ZBBX: variants seen among roughly 807,000 people sequenced by gnomAD.
ZBBX encodes the protein zinc finger B-box domain containing, also known as zinc finger B-box domain-containing protein 1.
A neutral mutation model predicts 108.5 loss-of-function variants in ZBBX; 101 were observed. The ratio of observed to expected loss-of-function variants is 0.93; its 90% CI spans 0.79 to 1.10. ZBBX has a LOEUF of 1.10. Ranked by LOEUF, ZBBX falls within the 50% of genes least tolerant of loss-of-function variation. ZBBX has a pLI of 0.00. For missense variants in ZBBX, 1,009 were observed against 941.4 expected (o/e 1.07, Z -0.94); for synonymous variants, 356 against 323.4 (o/e 1.10, Z -1.08).
At chr3:167,330,964 T>TCTCTCTCTCTCTCTCTCTCTCTCC (rs1310209358) in intron 10 of ZBBX, among the ~76,000 whole-genome samples, 4 of 145,942 alleles carry the variant, frequency 2.7e-5, no homozygotes, top group African/African-American at 1.0e-4. Context: ...TCTCTCTCTC[T>TCTCTCTCTCTCTCTCTCTCTCTCC]CCCCCACTCC....
chr3:167,196,967 A>C, the ZBBX span, among the ~76,000 whole-genome samples: 55 of 152,308 alleles, frequency 3.6e-4, no homozygotes, highest in East Asian at 8.5e-3. Flanking sequence ...GATTTCTACC[A>C]TAATTTCTTT....
At chr3:167,337,159 C>T (rs79080875) in intron 9 of ZBBX, among the ~76,000 whole-genome samples, 7,869 of 152,020 alleles carry the variant, frequency 0.052, 550 homozygotes, top group African/African-American at 0.16. Context: ...GATTAAAATT[C>T]GAAGTTCATT....
chr3:167,294,849 AAAAC>A (rs1173557679), intron 18 of ZBBX, among the ~76,000 whole-genome samples: 6 of 152,158 alleles, frequency 3.9e-5, no homozygotes, highest in African/African-American at 1.2e-4. Flanking sequence ...TTACAAGAAA[AAAAC>A]AAACAACCCC....
chr3:167,231,474 T>A, the ZBBX span, among the ~76,000 whole-genome samples: 1 of 151,682 alleles, frequency 6.6e-6, no homozygotes, highest in East Asian at 1.9e-4. Flanking sequence ...AATATGAAGG[T>A]AATTGTTGAC....
At chr3:167,214,620 T>A in the ZBBX span, among the ~76,000 whole-genome samples, 21 of 152,148 alleles carry the variant, frequency 1.4e-4, no homozygotes, top group African/African-American at 5.1e-4. Flanking sequence ...GGACCTGAAC[T>A]CAACATTAGA....
At chr3:167,358,780 C>A (rs1397850374) in intron 8 of ZBBX, among the ~76,000 whole-genome samples, 1 of 151,278 alleles carries the variant, frequency 6.6e-6, no homozygotes, top group African/African-American at 2.4e-5. Flanking sequence ...ACTAAAAATA[C>A]AAAAAATTAG....
intron 20 of ZBBX, among the ~76,000 whole-genome samples, chr3:167,249,269 C>G (rs937028664): frequency 5.3e-5 from 8 of 152,132 alleles, no homozygotes; most frequent in Non-Finnish European, 8.8e-5. Flanking sequence ...GGCCTGAGGC[C>G]CCATAAGTGT....
chr3:167,306,352 G>A (rs1400518420), intron 16 of ZBBX, among the ~76,000 whole-genome samples: 1 of 152,080 alleles, frequency 6.6e-6, no homozygotes, highest in African/African-American at 2.4e-5. Context: ...TCCCTAGCAT[G>A]CCTAGCAATA....
At chr3:167,333,778 C>T in intron 10 of ZBBX, 49 bp downstream of exon 10, 2 of 1,441,554 alleles carry the variant, frequency 1.4e-6, no homozygotes, top group Non-Finnish European at 9.2e-7. Context: ...ATGGCACCTG[C>T]CATAGTTACA....
At chr3:167,270,171 A>G (rs1205478943) in intron 20 of ZBBX, among the ~76,000 whole-genome samples, 1 of 152,196 alleles carries the variant, frequency 6.6e-6, no homozygotes, top group Non-Finnish European at 1.5e-5. Flanking sequence ...AGTCTCAAAG[A>G]AAAAGCTTCA....
chr3:167,305,546 T>C (rs1733480360), intron 17 of ZBBX, 97 bp downstream of exon 17: 1 of 974,512 alleles, frequency 1.0e-6, no homozygotes, highest in African/African-American at 1.7e-5. Context: ...ATTTTAACTT[T>C]AATAGGAAGT....
chr3:167,388,687 G>T (rs1024775212), intron 1 of ZBBX, among the ~76,000 whole-genome samples: 3 of 151,954 alleles, frequency 2.0e-5, no homozygotes, highest in Admixed American at 6.6e-5. Flanking sequence ...GAGGGTAAAA[G>T]GTACCTAGGC....
exon 1 of ZBBX, among the ~76,000 whole-genome samples, chr3:167,407,735 G>A (rs1460191163): frequency 6.6e-6 from 1 of 152,030 alleles, no homozygotes. Flanking sequence ...CCTTGAGTAG[G>A]CTGAGGAGGA....
chr3:167,310,524 T>C (rs1576962018), intron 16 of ZBBX, among the ~76,000 whole-genome samples: 1 of 151,902 alleles, frequency 6.6e-6, no homozygotes, highest in Non-Finnish European at 1.5e-5. Flanking sequence ...GGCTGGGAGG[T>C]CTCAGGAGTC....
chr3:167,259,230 G>A (rs1724042483), intron 20 of ZBBX, among the ~76,000 whole-genome samples: 4 of 152,192 alleles, frequency 2.6e-5, no homozygotes, highest in Middle Eastern at 3.4e-3. Context: ...ATTTATCCAT[G>A]TATTCTAGGT....
intron 1 of ZBBX, among the ~76,000 whole-genome samples, chr3:167,400,979 C>G (rs942644855): frequency 1.3e-5 from 2 of 152,124 alleles, no homozygotes; most frequent in East Asian, 3.9e-4. Flanking sequence ...CCCAGCTTGA[C>G]TTTTCCCTTT....
chr3:167,364,338 T>G (rs1313776761), intron 6 of ZBBX, among the ~76,000 whole-genome samples: 1 of 152,082 alleles, frequency 6.6e-6, no homozygotes, highest in Non-Finnish European at 1.5e-5. Flanking sequence ...CTCAAAACTT[T>G]TTTCACTACA....
At chr3:167,385,584 G>C (rs1217009405) in intron 1 of ZBBX, among the ~76,000 whole-genome samples, 1 of 151,606 alleles carries the variant, frequency 6.6e-6, no homozygotes, top group Non-Finnish European at 1.5e-5. Flanking sequence ...CTTTTGTAAT[G>C]ACAACTCAAA....
At chr3:167,216,990 T>G in the ZBBX span, among the ~76,000 whole-genome samples, 1 of 152,162 alleles carries the variant, frequency 6.6e-6, no homozygotes, top group African/African-American at 2.4e-5. Flanking sequence ...ATTAAAGACT[T>G]AAATGTAAAA....
Sources: allele counts gnomAD v4.1 joint callset (sites outside exome capture counted in the v4.1 genomes callset), GRCh38; gene constraint gnomAD v4.1.1; transcripts MANE v1.5; gene names NCBI Gene and HGNC (gene_info 2026-07-23, HGNC 2026-07-21).